Variants in TBC1D15 observed in about 807,000 individuals in gnomAD.
TBC1D15 encodes GAP for RAB7.
Under a neutral mutation model 95.4 loss-of-function variants are expected in TBC1D15, and 39 were observed. That is an observed-to-expected ratio of 0.41 (90% CI 0.32 to 0.53). TBC1D15 has a LOEUF of 0.53. Ranked by LOEUF, TBC1D15 falls within the 20% of genes least tolerant of loss-of-function variation. The probability of loss-of-function intolerance (pLI) is 0.29; values close to 1 mark genes in which losing one functional copy is unlikely to be tolerated. For synonymous variants in TBC1D15, 258 were observed against 261.3 expected, an observed-to-expected ratio of 0.99 and a Z score of 0.12; for missense variants, 733 against 794.3, an observed-to-expected ratio of 0.92 and a Z score of 0.93.
At chr12:71,903,222 G>A (rs903102969) in intron 10 of TBC1D15, among the ~76,000 whole-genome samples, 2 of 152,014 alleles carry the variant, frequency 1.3e-5, no homozygotes, top group Non-Finnish European at 2.9e-5. Context: ...CTGCAGACAC[G>A]TCTTAAAAGA....
At chr12:71,851,005 A>G (rs1007777307) in intron 1 of TBC1D15, among the ~76,000 whole-genome samples, 15 of 151,086 alleles carry the variant, frequency 9.9e-5, no homozygotes, top group African/African-American at 1.5e-4. Flanking sequence ...AAAAAAAAAA[A>G]AAAGAAAGAA....
At chr12:71,885,948 A>C (rs1896134125) in intron 5 of TBC1D15, among the ~76,000 whole-genome samples, 1 of 152,250 alleles carries the variant, frequency 6.6e-6, no homozygotes, top group Admixed American at 6.5e-5. Context: ...AGGGTGATAC[A>C]GTTAAAGATG....
chr12:71,912,994 C>G (rs944372468), intron 11 of TBC1D15, among the ~76,000 whole-genome samples: 3 of 152,012 alleles, frequency 2.0e-5, no homozygotes, highest in African/African-American at 7.2e-5. Flanking sequence ...TTGACATGTT[C>G]AGGTGAAAAA....
chr12:71,907,027 G>A lies in TBC1D15; in HGVS notation c.1189G>A (p.Asp397Asn). Residue 397 changes from aspartate to asparagine, a missense_variant, in exon 11 of 17, where the codon GAT (aspartate) becomes AAT (asparagine). Asp to Asn is a conservative substitution (Grantham distance 23, BLOSUM62 1). Transcript: ENST00000485960. ...GTGATGATTTTCCTCTTCAGAAAAA[G>A]ATGTTAACAGAACAGATCGAACAAA... ...LRDYRSLIEK[D>N]VNRTDRTNKF... 5.7e-6 allele frequency: 9 copies of A among 1,586,010 alleles called. No homozygotes were observed. Among genetic ancestry groups the A allele is most frequent in the Non-Finnish European group, 7.7e-6 (9 of 1,168,204 alleles).
intron 1 of TBC1D15, chr12:71,861,642 AT>A: frequency 1.8e-6 from 1 of 545,330 alleles, no homozygotes; most frequent in Non-Finnish European, 2.9e-6. Context: ...CCTTTAACTA[AT>A]AAGTCAACTT....
chr12:71,912,474 C>T (rs917270360), intron 11 of TBC1D15, among the ~76,000 whole-genome samples: 3 of 152,086 alleles, frequency 2.0e-5, no homozygotes, highest in African/African-American at 7.2e-5. Flanking sequence ...AGGCTCACAG[C>T]AAATTGAGCT....
chr12:71,851,543 G>A (rs1887830181), intron 1 of TBC1D15, among the ~76,000 whole-genome samples: 1 of 152,186 alleles, frequency 6.6e-6, no homozygotes, highest in Non-Finnish European at 1.5e-5. Flanking sequence ...TTCCACCTGT[G>A]AGGCTGTAAA....
intron 1 of TBC1D15, among the ~76,000 whole-genome samples, chr12:71,869,184 A>T (rs11178972): frequency 1.8e-3 from 279 of 152,242 alleles, no homozygotes; most frequent in Non-Finnish European, 3.2e-3. Context: ...CGGAAGGAAA[A>T]ATAATTGTGG....
intron 11 of TBC1D15, 101 bp from the exon 12 acceptor site, chr12:71,913,725 A>G: frequency 1.4e-6 from 1 of 730,506 alleles, no homozygotes; most frequent in Non-Finnish European, 2.2e-6. Context: ...AATGCAAAGG[A>G]GAAAGATACA....
At chr12:71,917,998 G>GA (rs1046085546) in intron 13 of TBC1D15, among the ~76,000 whole-genome samples, 21 of 150,766 alleles carry the variant, frequency 1.4e-4, no homozygotes, top group Admixed American at 3.3e-4. Context: ...TCTCTACAAG[G>GA]AAAAAAAAAT....
At chr12:71,910,937 ACAAC>A (rs929708338) in intron 11 of TBC1D15, among the ~76,000 whole-genome samples, 3 of 152,164 alleles carry the variant, frequency 2.0e-5, no homozygotes, top group African/African-American at 7.2e-5. Flanking sequence ...GAAAAAACAA[ACAAC>A]CCCATCAAAA....
At chr12:71,890,417 A>G (rs1474569000) in intron 5 of TBC1D15, among the ~76,000 whole-genome samples, 2 of 152,116 alleles carry the variant, frequency 1.3e-5, no homozygotes, top group African/African-American at 4.8e-5. Context: ...GTTCAAAACC[A>G]AGAGAATTAG....
intron 1 of TBC1D15, 55 bp from the exon 2 acceptor site, chr12:71,872,015 G>T: frequency 2.7e-6 from 2 of 753,438 alleles, no homozygotes; most frequent in Non-Finnish European, 4.1e-6. Flanking sequence ...ATTTTAACAT[G>T]TTAAAATAGT....
Position 71,884,964 on chromosome 12 carries a change from A to G in TBC1D15, c.497A>G (p.His166Arg), listed in dbSNP as rs1484108573. ...GTCGTTCTCCCTGCTCTACACTTTC[A>G]TCAAGGAGATAGCAAACTACTGATT... is the stretch of plus-strand genomic sequence containing the variant. Reference protein sequence around the residue: ...DDVVLPALHFHQGDSKLLIES... With the variant: ...DDVVLPALHFRQGDSKLLIES... The change falls in exon 5 of 17, where the codon CAT (histidine) becomes CGT (arginine). Residue 166 changes from histidine to arginine, a missense_variant. Transcript: ENST00000485960. The G allele has an allele frequency of 8.7e-6, 14 of 1,613,988 alleles. No homozygotes were observed. The highest frequency in any genetic ancestry group is 6.7e-5 in the East Asian group (3 of 44,858).
intron 3 of TBC1D15, among the ~76,000 whole-genome samples, chr12:71,873,838 A>T (rs1185891529): frequency 6.6e-6 from 1 of 152,162 alleles, no homozygotes. Flanking sequence ...GTCTTAATTT[A>T]TTGTCTCTCA....
chr12:71,901,631 A>G (rs1022319913), intron 10 of TBC1D15, among the ~76,000 whole-genome samples: 3 of 152,200 alleles, frequency 2.0e-5, no homozygotes, highest in Admixed American at 6.5e-5. Flanking sequence ...AGAGCCATCT[A>G]TCACAGACCC....
intron 1 of TBC1D15, among the ~76,000 whole-genome samples, chr12:71,844,866 T>C (rs897784562): frequency 5.9e-5 from 9 of 152,234 alleles, no homozygotes; most frequent in African/African-American, 2.2e-4. Flanking sequence ...TCAGACACTT[T>C]TCCTTGTGTG....
intron 1 of TBC1D15, among the ~76,000 whole-genome samples, chr12:71,843,795 A>G (rs1163458493): frequency 2.6e-5 from 4 of 152,112 alleles, no homozygotes; most frequent in African/African-American, 9.7e-5. Context: ...CGCTTGGCAC[A>G]CCAATATCCT....
Position 71,917,685 on chromosome 12 carries a change from T to C in TBC1D15, c.1402-13T>C. 1 of 1,552,306 alleles carries C rather than the reference T, an allele frequency of 6.4e-7. No homozygotes were observed. Among genetic ancestry groups the C allele is most frequent in the South Asian group, 1.1e-5 (1 of 87,790 alleles). Reference sequence around the variant, plus strand: ...TATTAAATATTACTTGTAACAATTATTTCCTTTTAAAGCATCAGAATTTTG... The same window carrying C: ...TATTAAATATTACTTGTAACAATTACTTCCTTTTAAAGCATCAGAATTTTG... On this transcript the variant is annotated splice_polypyrimidine_tract_variant and intron_variant, in intron 12 of 16. Transcript: ENST00000485960.
Sources: gnomAD v4.1 joint callset for allele counts (sites outside exome capture counted in the v4.1 genomes callset) on GRCh38, gnomAD v4.1.1 for gene constraint, MANE v1.5 for transcripts, NCBI Gene and HGNC (gene_info 2026-07-23, HGNC 2026-07-21) for gene names.